METTL6: variants seen among roughly 807,000 people sequenced by gnomAD.
METTL6 encodes the protein tRNA N(3)-cytidine methyltransferase METTL6.
In METTL6, 22 loss-of-function variants were observed where a neutral mutation model predicts 26.4. That is an observed-to-expected ratio of 0.83 (90% CI 0.59 to 1.19). METTL6 has a LOEUF of 1.19. Among genes scored for constraint, METTL6 ranks in the 50% most tolerant of loss-of-function variants. The probability of loss-of-function intolerance (pLI) is 0.00; values close to 1 mark genes in which losing one functional copy is unlikely to be tolerated. For synonymous variants in METTL6, 109 were observed against 116.2 expected (o/e 0.94, Z 0.40); for missense variants, 304 against 324.8 (o/e 0.94, Z 0.49).
At chr3:15,401,145 T>C (rs934608302) in intron 6 of METTL6, among the ~76,000 whole-genome samples, 1 of 152,102 alleles carries the variant, frequency 6.6e-6, no homozygotes, top group Non-Finnish European at 1.5e-5. Context: ...GTTCACGCCA[T>C]TCTCCTGCCT....
intron 3 of METTL6, among the ~76,000 whole-genome samples, chr3:15,420,785 T>C (rs1432006877): frequency 2.0e-5 from 3 of 152,222 alleles, no homozygotes; most frequent in Admixed American, 1.3e-4. Flanking sequence ...TAGGAAAGAC[T>C]GTTCTTAAAA....
chr3:15,403,257 T>C (rs1699697975), intron 6 of METTL6, among the ~76,000 whole-genome samples: 1 of 152,224 alleles, frequency 6.6e-6, no homozygotes, highest in African/African-American at 2.4e-5. Flanking sequence ...ATTATAGGTA[T>C]GAGCCACCAT....
intron 6 of METTL6, among the ~76,000 whole-genome samples, chr3:15,386,576 TC>T (rs1218632429): frequency 6.6e-6 from 1 of 152,116 alleles, no homozygotes; most frequent in African/African-American, 2.4e-5. Flanking sequence ...CCCTTAATTG[TC>T]CCCTTGGGGT....
intron 6 of METTL6, among the ~76,000 whole-genome samples, chr3:15,390,937 T>G (rs1180470426): frequency 6.6e-6 from 1 of 151,986 alleles, no homozygotes; most frequent in African/African-American, 2.4e-5. Flanking sequence ...GGGTAGTGTA[T>G]GCAGAGGATT....
chr3:15,394,130 A>C (rs921734753), intron 6 of METTL6, among the ~76,000 whole-genome samples: 12 of 152,064 alleles, frequency 7.9e-5, no homozygotes, highest in Non-Finnish European at 1.8e-4. Flanking sequence ...CTGGTCCTGG[A>C]CTTTTTTTGG....
intron 6 of METTL6, among the ~76,000 whole-genome samples, chr3:15,386,515 T>C (rs1351814403): frequency 2.0e-5 from 3 of 152,224 alleles, no homozygotes; most frequent in African/African-American, 7.2e-5. Flanking sequence ...TTTTCAGCCC[T>C]TGACTTGAGG....
At position 15,411,035 on chromosome 3, in the gene METTL6, G is replaced by T; in HGVS notation, c.*221C>A. 2.3e-6 allele frequency: 1 copy of T among 438,734 alleles called. No homozygotes were observed. The highest frequency in any genetic ancestry group is 4.0e-6 in the Non-Finnish European group (1 of 248,416). The allele number at this position is 438,734 out of a possible 1,614,324, so 27.2% of individuals were successfully genotyped here. A position where few individuals can be genotyped will look rare whatever the true frequency, so the allele number is the denominator to read the frequency against. ...AGCCTCCTGAGTAGCTGGGATTACAGGCACTCGCCACTATGCCCAGCTAAT... is the reference window on the plus strand; with the variant it reads ...AGCCTCCTGAGTAGCTGGGATTACATGCACTCGCCACTATGCCCAGCTAAT... On this transcript the variant is annotated 3_prime_UTR_variant, in exon 6 of 6. Coordinates refer to ENST00000383790, the MANE Select transcript of METTL6 (RefSeq NM_152396.4).
At chr3:15,419,408 T>C (rs2061560153) in intron 3 of METTL6, among the ~76,000 whole-genome samples, 1 of 152,208 alleles carries the variant, frequency 6.6e-6, no homozygotes, top group South Asian at 2.1e-4. Flanking sequence ...CTTAGAACAG[T>C]GACTGGCACA....
At chr3:15,392,343 GTTGT>G (rs1485886599) in intron 6 of METTL6, among the ~76,000 whole-genome samples, 1 of 149,580 alleles carries the variant, frequency 6.7e-6, no homozygotes, top group Non-Finnish European at 1.5e-5. Flanking sequence ...TGTTGATGGG[GTTGT>G]TTTTTTTCTT....
At chr3:15,409,484 C>G (rs946819971), downstream of METTL6, among the ~76,000 whole-genome samples, 16 of 152,202 alleles carry the variant, frequency 1.1e-4, no homozygotes, top group African/African-American at 3.9e-4. Context: ...TTCTGCAACA[C>G]TAGCTACGTG....
At chr3:15,416,323 T>C (rs1700203564) in intron 3 of METTL6, among the ~76,000 whole-genome samples, 1 of 152,210 alleles carries the variant, frequency 6.6e-6, no homozygotes, top group African/African-American at 2.4e-5. Flanking sequence ...TGATCATGGT[T>C]CACTGCAGCC....
intron 3 of METTL6, among the ~76,000 whole-genome samples, chr3:15,417,069 G>C (rs1295721751): frequency 6.6e-6 from 1 of 152,244 alleles, no homozygotes; most frequent in East Asian, 1.9e-4. Flanking sequence ...CAACCTGGGA[G>C]ACTGAAGTGA....
chr3:15,392,668 T>C (rs2124906722), intron 6 of METTL6, among the ~76,000 whole-genome samples: 1 of 152,322 alleles, frequency 6.6e-6, no homozygotes, highest in East Asian at 1.9e-4. Context: ...TGAATTAATT[T>C]TAGTATAAGG....
intron 5 of METTL6, among the ~76,000 whole-genome samples, chr3:15,411,794 T>A (rs949874497): frequency 8.6e-5 from 13 of 152,004 alleles, no homozygotes; most frequent in African/African-American, 2.9e-4. Context: ...AGACACAATG[T>A]CACTCTGTCA....
At chr3:15,401,094 C>T (rs963531065) in intron 6 of METTL6, among the ~76,000 whole-genome samples, 2 of 151,762 alleles carry the variant, frequency 1.3e-5, no homozygotes, top group African/African-American at 4.8e-5. Flanking sequence ...GGCTGGAGTG[C>T]AGTGGCGCAA....
chr3:15,412,473 C>T (rs911364058), intron 5 of METTL6, among the ~76,000 whole-genome samples: 1 of 149,102 alleles, frequency 6.7e-6, no homozygotes, highest in African/African-American at 2.5e-5. Context: ...GATAATTTTG[C>T]ATTTTGTTTT....
chr3:15,385,709 A>C (rs373727380), intron 6 of METTL6, among the ~76,000 whole-genome samples: 1 of 152,214 alleles, frequency 6.6e-6, no homozygotes, highest in Non-Finnish European at 1.5e-5. Context: ...AAACAAAAAC[A>C]AAAACCAAAA....
In METTL6 at chr3:15,410,376, G is replaced by A. The variant is rs1162633361; in HGVS notation, c.*880C>T. On this transcript the variant is annotated 3_prime_UTR_variant, in exon 6 of 6. Transcript: ENST00000383790. ...TTTGCTCTGTCGCCCAGGCTGGAGT[G>A]CAGTAGCGTGATCTCGACTTACTGC... Among the ~76,000 whole-genome samples the A allele has an allele frequency of 6.6e-6, 1 of 152,090 alleles. No individual in the cohort carries two copies. Among genetic ancestry groups the A allele is most frequent in the African/African-American group, 2.4e-5 (1 of 41,412 alleles).
At position 15,412,587 on chromosome 3, in the gene METTL6, T is replaced by C. The variant is rs111412239; in HGVS notation, c.674-1150A>G. ...GCAGCCTCCATCTTCTGGGGCCAAA[T>C]GATCCTCTTGCCTCAGCCTCCTAAG... On this transcript the variant is annotated intron_variant, in intron 5 of 5. Coordinates refer to ENST00000383790, the MANE Select transcript of METTL6 (RefSeq NM_152396.4). Among the ~76,000 whole-genome samples the C allele has an allele frequency of 7.6e-3, 1,155 of 152,174 alleles. 24 individuals carry two copies. The highest frequency in any genetic ancestry group is 0.027 in the African/African-American group (1,107 of 41,532).
Sources: allele counts gnomAD v4.1 joint callset (sites outside exome capture counted in the v4.1 genomes callset), GRCh38; gene constraint gnomAD v4.1.1; transcripts MANE v1.5; gene names NCBI Gene and HGNC (gene_info 2026-07-23, HGNC 2026-07-21).